Variants in PCDHGB2 observed in about 807,000 individuals in gnomAD.
PCDHGB2 encodes protocadherin gamma subfamily B, 2, also known as protocadherin gamma-B2.
PCDHGB2 carries 55 observed loss-of-function variants against 59.3 expected under a neutral mutation model. The observed-to-expected ratio is 0.93, with a 90% CI of 0.75 to 1.16. The LOEUF (loss-of-function observed/expected upper bound fraction) is 1.16, where lower values mean the gene tolerates loss of function less well. Among genes scored for constraint, PCDHGB2 ranks in the 50% most tolerant of loss-of-function variants. The pLI is 0.00. For synonymous variants in PCDHGB2, 516 were observed against 512.0 expected, an observed-to-expected ratio of 1.01 and a Z score of -0.11; for missense variants, 1,228 against 1,198.5, an observed-to-expected ratio of 1.02 and a Z score of -0.36.
At chr5:141,454,964 C>T (rs1283179107) in intron 1 of PCDHGB2, among the ~76,000 whole-genome samples, 10 of 151,622 alleles carry the variant, frequency 6.6e-5, no homozygotes, top group African/African-American at 2.4e-4. Flanking sequence ...CCGGCCACCA[C>T]GCCTGGCTAA....
At position 141,361,955 on chromosome 5, in the gene PCDHGB2, A is replaced by G. The variant is rs1762251619; in HGVS notation, c.1820A>G (p.His607Arg). The change falls in exon 1 of 4, where the codon CAC becomes CGC. Residue 607 changes from histidine (H) to arginine (R), a missense_variant. His to Arg is a conservative substitution (Grantham distance 29). Around this residue, in one of 3 missense-constraint regions of PCDHGB2, gnomAD observed 433 missense variants for 441.8 expected, o/e 0.98. Coordinates refer to ENST00000522605, the MANE Select transcript of PCDHGB2 (RefSeq NM_018923.3). Reference protein sequence around the residue: ...DSGHNAWLSYHVLQASEPGLF... With the variant: ...DSGHNAWLSYRVLQASEPGLF... Reference sequence around the variant, plus strand: ...GGACACAACGCTTGGCTGTCCTACCACGTGCTGCAGGCCAGCGAGCCCGGG... The same window carrying G: ...GGACACAACGCTTGGCTGTCCTACCGCGTGCTGCAGGCCAGCGAGCCCGGG... 10 of 1,602,992 alleles carry G rather than the reference A, an allele frequency of 6.2e-6. No individual in the cohort carries two copies. Among genetic ancestry groups the G allele is most frequent in the Non-Finnish European group, 6.8e-6 (8 of 1,176,960 alleles).
At chr5:141,415,881 T>C (rs1589997447) in intron 1 of PCDHGB2, 1 of 1,003,346 alleles carries the variant, frequency 1.0e-6, no homozygotes, top group Non-Finnish European at 1.3e-6. Context: ...GAGTACAATA[T>C]TGACAATTCC....
intron 1 of PCDHGB2, chr5:141,371,023 T>A: frequency 6.2e-7 from 1 of 1,614,008 alleles, no homozygotes. Flanking sequence ...CATCACCACC[T>A]GGTCCTCACA....
chr5:141,393,049 C>T (rs2092663894), intron 1 of PCDHGB2: 4 of 1,613,486 alleles, frequency 2.5e-6, no homozygotes, highest in South Asian at 1.1e-5. Context: ...GCTCTGAACC[C>T]GCGCAGCGGC....
chr5:141,365,825 G>C (rs772088278), intron 1 of PCDHGB2: 1 of 1,613,942 alleles, frequency 6.2e-7, no homozygotes, highest in African/African-American at 1.3e-5. Flanking sequence ...ATTTCAGGGG[G>C]CGCCCTTGTC....
chr5:141,422,239 G>C (rs2096636040), intron 1 of PCDHGB2: 3 of 1,566,586 alleles, frequency 1.9e-6, no homozygotes, highest in East Asian at 4.5e-5. Context: ...GTTGATCACT[G>C]TTGTGGATGT....
intron 1 of PCDHGB2, chr5:141,409,838 G>T: frequency 6.2e-7 from 1 of 1,611,532 alleles, no homozygotes; most frequent in Non-Finnish European, 8.5e-7. Context: ...CAGCGCCAAC[G>T]TGAGCCTGCG....
Position 141,485,193 on chromosome 5 carries a change from G to C in PCDHGB2, c.2422-9614G>C. 1 of 1,613,988 alleles carries C rather than the reference G, an allele frequency of 6.2e-7. No individual in the cohort carries two copies. Among genetic ancestry groups the C allele is most frequent in the Non-Finnish European group, 8.5e-7 (1 of 1,179,852 alleles). On this transcript the variant is annotated intron_variant, in intron 1 of 3. Transcript: ENST00000522605. This position sits in a 1 kb window ranked among gnomAD's most constrained non-coding sequence, Gnocchi z 5.7. ...GCAGCAATGCTCCGCAAGGTGAGAA[G>C]CTGGACAGAAATCTGGCGGTGGGCT...
Position 141,403,164 on chromosome 5 carries a change from G to A in PCDHGB2, c.2421+40608G>A, listed in dbSNP as rs11575960. The A allele has an allele frequency of 4.9e-3, 7,986 of 1,614,050 alleles. 45 individuals are homozygous for A. Among genetic ancestry groups the A allele is most frequent in the Admixed American group, 9.4e-3 (567 of 60,028 alleles). The stretch of plus-strand genomic sequence containing the variant: ...CGAGTCCGCATCGTCTCTAGAGGTA[G>A]GACGCAGCTTTTCTCTCTGAACCCG... On this transcript the variant is annotated intron_variant, in intron 1 of 3. Coordinates refer to ENST00000522605, the MANE Select transcript of PCDHGB2 (RefSeq NM_018923.3).
intron 1 of PCDHGB2, chr5:141,408,296 C>T (rs2154539952): frequency 1.2e-6 from 2 of 1,613,550 alleles, no homozygotes; most frequent in Non-Finnish European, 1.7e-6. Flanking sequence ...CCTGAGTGAG[C>T]CGATCCGCTA....
chr5:141,375,956 G>A (rs760158486), intron 1 of PCDHGB2: 16 of 1,613,506 alleles, frequency 9.9e-6, no homozygotes, highest in South Asian at 3.3e-5. Flanking sequence ...GCACACGGGC[G>A]AGGTGCGCAC....
rs1001555249 is a variant in PCDHGB2, at chr5:141,486,728, G to A, written c.2422-8079G>A. The A allele has an allele frequency of 1.2e-6, 2 of 1,614,200 alleles. No homozygotes were observed. The highest frequency in any genetic ancestry group is 1.7e-6 in the Non-Finnish European group (2 of 1,180,052). On this transcript the variant is annotated intron_variant, in intron 1 of 3. Transcript: ENST00000522605. This position sits in a 1 kb window ranked among gnomAD's most constrained non-coding sequence, Gnocchi z 5.0. Reference sequence around the variant, plus strand: ...GAACCCCCAGACAGGAGCTGTTCATGCTACTCGATCCTTTGACTATGAGCA... The same window carrying A: ...GAACCCCCAGACAGGAGCTGTTCATACTACTCGATCCTTTGACTATGAGCA...
chr5:141,458,933 A>G (rs920768063), intron 1 of PCDHGB2, among the ~76,000 whole-genome samples: 3 of 151,912 alleles, frequency 2.0e-5, no homozygotes, highest in Admixed American at 6.6e-5. Flanking sequence ...GGGTCTCACT[A>G]TGTTGCTTAG....
At chr5:141,404,333 C>G (rs181615917) in intron 1 of PCDHGB2, 10 of 1,613,736 alleles carry the variant, frequency 6.2e-6, no homozygotes, top group Non-Finnish European at 8.5e-6. Flanking sequence ...CTCAGTCTAC[C>G]TCCCGGAAAA....
intron 1 of PCDHGB2, among the ~76,000 whole-genome samples, chr5:141,448,083 T>C (rs1020024755): frequency 2.6e-5 from 4 of 151,368 alleles, no homozygotes; most frequent in African/African-American, 9.7e-5. Context: ...CGAAATGCCA[T>C]CTTAAAAAAA....
rs1467888635 is a variant in PCDHGB2 at position 141,360,453 on chromosome 5, C to T, written c.318C>T (p.Phe106=). The T allele has an allele frequency of 4.3e-6, 7 of 1,613,864 alleles. No individual in the cohort carries two copies. The highest frequency in any genetic ancestry group is 5.9e-6 in the Non-Finnish European group (7 of 1,179,842). ...AGCAGCCTCTGTGTGTTCTGGATTT[C>T]GATACTGTCGCTGAAAATCCACTAA... ...CGKQPLCVLD[F]DTVAENPLNI... is the part of the protein sequence containing the mutation. The change falls in exon 1 of 4, where the codon TTC becomes TTT. Residue 106 remains phenylalanine (F), a synonymous_variant. Transcript: ENST00000522605.
Position 141,489,089 on chromosome 5 carries a change from A to G in PCDHGB2, c.2422-5718A>G. 5.6e-5 allele frequency: 16 copies of G among 284,404 alleles called. No individual in the cohort carries two copies. The highest frequency in any genetic ancestry group is 9.0e-5 in the Non-Finnish European group (14 of 156,416). The allele number at this position is 284,404 out of a possible 1,614,324, so 17.6% of individuals were successfully genotyped here. On this transcript the variant is annotated intron_variant, in intron 1 of 3. Coordinates refer to ENST00000522605, the MANE Select transcript of PCDHGB2 (RefSeq NM_018923.3). The surrounding 1 kb of genome is among the most constrained non-coding windows in gnomAD (Gnocchi z 4.5). ...CCCTGCCCACCCCCGCCACTCGGTG[A>G]CTAAGAACTGCTGCAAGCAGGCAAA...
intron 1 of PCDHGB2, chr5:141,408,164 A>G (rs2095051548): frequency 6.6e-7 from 1 of 1,520,576 alleles, no homozygotes; most frequent in South Asian, 1.3e-5. Context: ...ACTTTCTCCA[A>G]CTGGAAAAGC....
intron 2 of PCDHGB2, among the ~76,000 whole-genome samples, chr5:141,499,675 T>A (rs1426498530): frequency 2.0e-5 from 3 of 150,746 alleles, no homozygotes; most frequent in African/African-American, 7.3e-5. Flanking sequence ...GTCTCCACCA[T>A]CTTTAACAGA....
Sources: allele counts gnomAD v4.1 joint callset (sites outside exome capture counted in the v4.1 genomes callset), GRCh38; gene constraint gnomAD v4.1.1; regional missense constraint gnomAD v4.1.1; non-coding constraint Gnocchi (gnomAD v3.1); transcripts MANE v1.5; gene names NCBI Gene and HGNC (gene_info 2026-07-23, HGNC 2026-07-21).